The following ZBTB26 variants were observed in gnomAD, a reference collection of about 807,000 sequenced individuals.
ZBTB26 encodes the protein zinc finger and BTB domain containing 26, also known as zinc finger and BTB domain-containing protein 26.
ZBTB26 carries 12 observed loss-of-function variants against 31.6 expected under a neutral mutation model. The ratio of observed to expected loss-of-function variants is 0.38; its 90% confidence interval spans 0.24 to 0.61. The LOEUF (loss-of-function observed/expected upper bound fraction) is 0.61. ZBTB26 is among the 20% of genes least tolerant of loss of function. ZBTB26 has a pLI of 0.60. For missense variants in ZBTB26, 311 were observed against 521.9 expected, an observed-to-expected ratio of 0.60 and a Z score of 3.94; for synonymous variants, 155 against 182.9, an observed-to-expected ratio of 0.85 and a Z score of 1.23.
chr9:122,931,365 A>C (rs913379287), intron 1 of ZBTB26, 72 bp downstream of exon 1: 1 of 152,398 alleles, frequency 6.6e-6, no homozygotes, highest in Admixed American at 6.6e-5. Flanking sequence ...CGGTTGATCC[A>C]GGGCCCCAGG....
At position 122,919,648 on chromosome 9, in the gene ZBTB26, G is replaced by C. The variant is rs372655369; in HGVS notation, c.287C>G (p.Pro96Arg). 1 of 1,614,052 alleles carries C rather than the reference G, an allele frequency of 6.2e-7. No homozygotes were observed. Among genetic ancestry groups the C allele is most frequent in the African/African-American group, 1.3e-5 (1 of 74,916 alleles). ...CAAGTAATTTACCAGTTCCATCTCA[G>C]GGAATTCCAGCACACCACTATAACA... ...LSCYSGVLEF[P>R]EMELVNYLTA... is the part of the protein sequence containing the mutation. Residue 96 changes from proline (P) to arginine (R), a missense_variant, in exon 2 of 2, where the codon CCT becomes CGT. Physicochemically the swap from Pro to Arg is moderately radical, Grantham distance 103 (BLOSUM62 -2). Transcript: ENST00000373656. This position sits in a 1 kb window ranked among gnomAD's most constrained non-coding sequence, Gnocchi z 6.1.
chr9:122,929,713 AT>A (rs1335591412), intron 1 of ZBTB26, among the ~76,000 whole-genome samples: 3 of 152,254 alleles, frequency 2.0e-5, no homozygotes, highest in Admixed American at 1.3e-4. Context: ...CCTTATTCCC[AT>A]TTAACACCAA....
In ZBTB26 at chr9:122,930,761, T is replaced by C. The variant is rs116818399; in HGVS notation, c.-11+676A>G. On this transcript the variant is annotated intron_variant, in intron 1 of 1. Transcript: ENST00000373656. ...ATTTCTCCACAGTATTGCAACTGTC[T>C]TCCCTGAAAAACTCTTCAACACTTT... Among the ~76,000 whole-genome samples, 390 of 152,310 alleles carry C rather than the reference T, an allele frequency of 2.6e-3. 2 individuals carry two copies. The highest frequency in any genetic ancestry group is 8.8e-3 in the African/African-American group (367 of 41,570).
intron 1 of ZBTB26, among the ~76,000 whole-genome samples, chr9:122,928,143 C>T (rs1434516181): frequency 6.6e-6 from 1 of 152,086 alleles, no homozygotes; most frequent in Non-Finnish European, 1.5e-5. Context: ...CCCCTCCTGG[C>T]ATTTTAAAAA....
chr9:122,927,048 T>G (rs567830629), intron 1 of ZBTB26, among the ~76,000 whole-genome samples: 19 of 152,226 alleles, frequency 1.2e-4, no homozygotes, highest in Non-Finnish European at 2.2e-4. Context: ...TCATCATATT[T>G]TGTTGATTCT....
At position 122,917,422 on chromosome 9, in the gene ZBTB26, A is replaced by G. The variant is rs1358982653; in HGVS notation, c.*1187T>C. On this transcript the variant is annotated 3_prime_UTR_variant, in exon 2 of 2. Coordinates refer to ENST00000373656, the MANE Select transcript of ZBTB26 (RefSeq NM_020924.4). ...AATCTAACTCATGGGTGAGAAACAA[A>G]TAAGACTTAGAATTTTAGGTCTGAA... The G allele has an allele frequency of 2.0e-5, 3 of 152,216 alleles. No individual in the cohort carries two copies. Among genetic ancestry groups the G allele is most frequent in the African/African-American group, 7.2e-5 (3 of 41,454 alleles). 9.4% of individuals were successfully genotyped at this position (152,216 alleles called of 1,614,324 possible). A position where few individuals can be genotyped will look rare whatever the true frequency, so the allele number is the denominator to read the frequency against.
intron 1 of ZBTB26, among the ~76,000 whole-genome samples, chr9:122,922,726 A>T (rs912068912): frequency 4.6e-5 from 7 of 152,240 alleles, no homozygotes; most frequent in African/African-American, 1.7e-4. Flanking sequence ...GAAGCATTGC[A>T]GGTCTGAGGC....
At chr9:122,920,171 G>C (rs564012455) in intron 1 of ZBTB26, among the ~76,000 whole-genome samples, 2 of 152,204 alleles carry the variant, frequency 1.3e-5, no homozygotes, top group Non-Finnish European at 2.9e-5. Flanking sequence ...ACTTGTATTT[G>C]TGTAAATAGC....
intron 1 of ZBTB26, among the ~76,000 whole-genome samples, chr9:122,929,166 G>A (rs1833229169): frequency 6.6e-6 from 1 of 152,186 alleles, no homozygotes; most frequent in Non-Finnish European, 1.5e-5. Flanking sequence ...TCAAGGTGAG[G>A]ATTCATGAGC....
chr9:122,919,816 T>C lies in ZBTB26; in HGVS notation c.119A>G (p.Asp40Gly). The change falls in exon 2 of 2, where the codon GAT becomes GGT. Residue 40 changes from aspartate to glycine, a missense_variant. Asp to Gly is a moderately conservative substitution (Grantham distance 94). Around this residue, in one of 5 missense-constraint regions of ZBTB26, gnomAD observed 5 missense variants for 32.0 expected, o/e 0.16. Transcript: ENST00000373656. This position sits in a 1 kb window ranked among gnomAD's most constrained non-coding sequence, Gnocchi z 6.1. ...TTTATGTCCCTGTACCTCAATATCA[T>C]CTATGAGAACTGTAACATCACAAAA... ...NKFCDVTVLI[D>G]DIEVQGHKIV... is the part of the protein sequence containing the mutation. 1 of 1,614,118 alleles carries C rather than the reference T, an allele frequency of 6.2e-7. No homozygotes were observed. The highest frequency in any genetic ancestry group is 2.2e-5 in the East Asian group (1 of 44,882).
rs1833068087 is a variant in ZBTB26 at position 122,919,710 on chromosome 9, T to C, written c.225A>G (p.Leu75=). 1 of 1,613,980 alleles carries C rather than the reference T, an allele frequency of 6.2e-7. No homozygotes were observed. The highest frequency in any genetic ancestry group is 8.5e-7 in the Non-Finnish European group (1 of 1,179,974). The change falls in exon 2 of 2, where the codon TTA becomes TTG. Residue 75 remains leucine (L), a synonymous_variant. Transcript: ENST00000373656. The surrounding 1 kb of genome is among the most constrained non-coding windows in gnomAD (Gnocchi z 6.1). The part of the protein sequence containing the change: ...NDSREVKISI[L]QSSEVGRQLL... ...ATTGTCTCCCCACTTCGGAACTCTG[T>C]AATATGGAGATTTTCACCTCTCTGG... is the stretch of plus-strand genomic sequence containing the variant.
In ZBTB26 at chr9:122,919,104, C is replaced by A. The variant is rs763065601; in HGVS notation, c.831G>T (p.Lys277Asn). Residue 277 changes from lysine to asparagine, a missense_variant, in exon 2 of 2, where the codon AAG (lysine) becomes AAT (asparagine). Physicochemically the swap from Lys to Asn is moderately conservative, Grantham distance 94. Coordinates refer to ENST00000373656, the MANE Select transcript of ZBTB26 (RefSeq NM_020924.4). The surrounding 1 kb of genome is among the most constrained non-coding windows in gnomAD (Gnocchi z 6.1). ...KGLQWHHQCP[K>N]CTRVFRHLEN... Reference sequence around the variant, plus strand: ...CCAGGTGACGAAACACCCTGGTACACTTTGGGCACTGGTGATGCCACTGTA... The same window carrying A: ...CCAGGTGACGAAACACCCTGGTACAATTTGGGCACTGGTGATGCCACTGTA... The A allele has an allele frequency of 1.2e-6, 2 of 1,614,220 alleles. No individual in the cohort carries two copies. The highest frequency in any genetic ancestry group is 3.3e-5 in the Admixed American group (2 of 60,028).
At chr9:122,929,629 C>T (rs1206856990) in intron 1 of ZBTB26, among the ~76,000 whole-genome samples, 2 of 152,114 alleles carry the variant, frequency 1.3e-5, no homozygotes, top group Non-Finnish European at 2.9e-5. Context: ...CTGGTATGTA[C>T]CCTATAAGCA....
chr9:122,928,577 T>C (rs2131542215), intron 1 of ZBTB26, among the ~76,000 whole-genome samples: 1 of 152,318 alleles, frequency 6.6e-6, no homozygotes, highest in South Asian at 2.1e-4. Flanking sequence ...CTTCACTAAA[T>C]TGTATAAGGG....
chr9:122,918,640 T>G lies in ZBTB26; in HGVS notation c.1295A>C (p.Asn432Thr). Residue 432 changes from asparagine to threonine, a missense_variant, in exon 2 of 2, where the codon AAC (asparagine) becomes ACC (threonine). Around this residue, in one of 5 missense-constraint regions of ZBTB26, gnomAD observed 49 missense variants for 66.0 expected, o/e 0.74. Coordinates refer to ENST00000373656, the MANE Select transcript of ZBTB26 (RefSeq NM_020924.4). ...DAGKLAQAVL[N>T]LRNDSTCVN Reference sequence around the variant, plus strand: ...CACACAAGTACTATCATTTCTTAAGTTCAGGACAGCTTGGGCCAGTTTACC... The same window carrying G: ...CACACAAGTACTATCATTTCTTAAGGTCAGGACAGCTTGGGCCAGTTTACC... The G allele has an allele frequency of 6.2e-7, 1 of 1,613,974 alleles. No individual in the cohort carries two copies. Among genetic ancestry groups the G allele is most frequent in the Non-Finnish European group, 8.5e-7 (1 of 1,179,934 alleles).
Position 122,917,787 on chromosome 9 carries a change from G to C in ZBTB26, c.*822C>G, listed in dbSNP as rs145013278. 1.3e-5 allele frequency: 2 copies of C among 152,148 alleles called. No homozygotes were observed. Among genetic ancestry groups the C allele is most frequent in the Admixed American group, 6.6e-5 (1 of 15,266 alleles). 9.4% of individuals were successfully genotyped at this position (152,148 alleles called of 1,614,324 possible). The stretch of plus-strand genomic sequence containing the variant: ...CACTATACTTTAGCACATTTTTAGC[G>C]TGCCTGGAGCAGTCCTGATCTCAAA... On this transcript the variant is annotated 3_prime_UTR_variant, in exon 2 of 2. Transcript: ENST00000373656.
At chr9:122,923,319 C>T (rs1198254199) in intron 1 of ZBTB26, among the ~76,000 whole-genome samples, 4 of 151,664 alleles carry the variant, frequency 2.6e-5, no homozygotes, top group Non-Finnish European at 5.9e-5. Flanking sequence ...CCTTGTATGA[C>T]ATTTTGAATG....
At chr9:122,928,748 CAAAA>C (rs1267890523) in intron 1 of ZBTB26, among the ~76,000 whole-genome samples, 1 of 152,196 alleles carries the variant, frequency 6.6e-6, no homozygotes, top group African/African-American at 2.4e-5. Context: ...TCAAGGTACT[CAAAA>C]ATACCTGTTC....
chr9:122,922,228 G>T (rs767650558), intron 1 of ZBTB26, among the ~76,000 whole-genome samples: 2 of 152,058 alleles, frequency 1.3e-5, no homozygotes, highest in African/African-American at 4.8e-5. Flanking sequence ...ACAGAATGAG[G>T]CTCTGTCTAA....
Sources: gnomAD v4.1 joint callset for allele counts (sites outside exome capture counted in the v4.1 genomes callset) on GRCh38, gnomAD v4.1.1 for gene constraint, gnomAD v4.1.1 regional missense constraint, Gnocchi (gnomAD v3.1) non-coding constraint, MANE v1.5 for transcripts, NCBI Gene and HGNC (gene_info 2026-07-23, HGNC 2026-07-21) for gene names.